PRKN: variants seen among roughly 807,000 people sequenced by gnomAD.
The protein encoded by PRKN is E3 ubiquitin-protein ligase parkin.
Under a neutral mutation model 59.5 loss-of-function variants are expected in PRKN, and 56 were observed. That is an observed-to-expected ratio of 0.94 (90% CI 0.76 to 1.18). PRKN has a LOEUF of 1.18. Among genes scored for constraint, PRKN ranks in the 50% most tolerant of loss-of-function variants. PRKN has a pLI of 0.00. For missense variants in PRKN, 657 were observed against 596.4 expected (o/e 1.10, Z -1.06); for synonymous variants, 250 against 222.1 (o/e 1.13, Z -1.12).
chr6:162,017,004 G>T (rs1043468934), intron 5 of PRKN, among the ~76,000 whole-genome samples: 1 of 152,066 alleles, frequency 6.6e-6, no homozygotes, highest in Non-Finnish European at 1.5e-5. Flanking sequence ...TCAAACATCC[G>T]CCTCTCTCCC....
Position 162,578,850 on chromosome 6 carries a change from T to C in PRKN, c.8-135377A>G, listed in dbSNP as rs532655786. On this transcript the variant is annotated intron_variant, in intron 1 of 11. Coordinates refer to ENST00000366898, the MANE Select transcript of PRKN (RefSeq NM_004562.3). ...AAAAATCCCATTTAAGTCTAACTTA[T>C]GTCATATTTTTTCTTAGAAAAAGGA... Among the ~76,000 whole-genome samples the C allele has an allele frequency of 2.0e-5, 3 of 152,350 alleles. No homozygotes were observed. The South Asian group carries it at 6.2e-4, about 32-fold the overall frequency.
At chr6:162,058,957 GAA>G (rs553927046) in intron 4 of PRKN, among the ~76,000 whole-genome samples, 2,340 of 87,290 alleles carry the variant, frequency 0.027, 54 homozygotes, top group African/African-American at 0.073. Flanking sequence ...GCCTCAACAA[GAA>G]AAAAAAAAAA....
At chr6:161,715,976 G>T in intron 7 of PRKN, 1 of 543,206 alleles carries the variant, frequency 1.8e-6, no homozygotes, top group Non-Finnish European at 3.3e-6. Flanking sequence ...GGTGAGAAGC[G>T]CTGGGGTGGG....
intron 1 of PRKN, among the ~76,000 whole-genome samples, chr6:162,448,931 A>C (rs1790455071): frequency 7.2e-6 from 1 of 137,968 alleles, no homozygotes; most frequent in South Asian, 2.3e-4. Flanking sequence ...TCTGTCTCCC[A>C]CTATAGAGTG....
At chr6:162,454,592 G>A (rs1562777390) in intron 1 of PRKN, among the ~76,000 whole-genome samples, 1 of 152,210 alleles carries the variant, frequency 6.6e-6, no homozygotes, top group African/African-American at 2.4e-5. Flanking sequence ...CTCTGTGTCA[G>A]TGGCTTTCAC....
intron 7 of PRKN, among the ~76,000 whole-genome samples, chr6:161,676,638 T>C (rs149159100): frequency 0.011 from 1,658 of 152,320 alleles, 13 homozygotes; most frequent in Middle Eastern, 0.041. Flanking sequence ...AGAGACCCTA[T>C]GGCCTGCAAA....
chr6:161,795,038 C>G (rs946186605), intron 6 of PRKN, among the ~76,000 whole-genome samples: 3 of 151,496 alleles, frequency 2.0e-5, no homozygotes, highest in Admixed American at 1.3e-4. Context: ...GCACCCACCA[C>G]CACACCCAGC....
intron 1 of PRKN, among the ~76,000 whole-genome samples, chr6:162,533,248 G>A (rs1033325842): frequency 2.0e-5 from 3 of 152,196 alleles, no homozygotes; most frequent in South Asian, 2.1e-4. Flanking sequence ...TTATGGCTGG[G>A]CGCGGTGGCT....
intron 2 of PRKN, among the ~76,000 whole-genome samples, chr6:162,439,912 T>C (rs1249381901): frequency 6.6e-6 from 1 of 152,070 alleles, no homozygotes; most frequent in Non-Finnish European, 1.5e-5. Context: ...AGACTACTGG[T>C]AAAGTGTGAG....
chr6:161,508,581 TC>T (rs1357106163), intron 9 of PRKN, among the ~76,000 whole-genome samples: 23 of 152,286 alleles, frequency 1.5e-4, no homozygotes, highest in African/African-American at 5.3e-4. Context: ...GTCAGCTTCC[TC>T]CGTATCATGT....
At chr6:162,081,651 C>T (rs79607471) in intron 4 of PRKN, among the ~76,000 whole-genome samples, 1,576 of 152,142 alleles carry the variant, frequency 0.01, 42 homozygotes, top group African/African-American at 0.037. Flanking sequence ...CTTAAGGGAC[C>T]TAGGATTTTC....
chr6:162,352,309 C>A (rs1784657652), intron 2 of PRKN, among the ~76,000 whole-genome samples: 1 of 152,170 alleles, frequency 6.6e-6, no homozygotes, highest in Non-Finnish European at 1.5e-5. Flanking sequence ...CAGATTACGG[C>A]AGGTTGTCAC....
At chr6:161,775,334 C>T (rs188699513) in intron 7 of PRKN, among the ~76,000 whole-genome samples, 93 of 152,080 alleles carry the variant, frequency 6.1e-4, no homozygotes, top group Non-Finnish European at 1.1e-3. Context: ...CCTCAGCCTC[C>T]CAAGCTCAAG....
intron 2 of PRKN, among the ~76,000 whole-genome samples, chr6:162,343,701 G>T (rs893582485): frequency 8.6e-5 from 13 of 151,806 alleles, no homozygotes; most frequent in African/African-American, 2.9e-4. Context: ...GGGTGTGTGT[G>T]TGTATGTGTA....
At chr6:161,717,358 T>C (rs146797388) in intron 7 of PRKN, among the ~76,000 whole-genome samples, 8 of 152,254 alleles carry the variant, frequency 5.3e-5, no homozygotes, top group Non-Finnish European at 1.0e-4. Context: ...ATTTCCACAC[T>C]TGAACTTTGA....
At chr6:162,587,306 TTG>T (rs1236919144) in intron 1 of PRKN, among the ~76,000 whole-genome samples, 2 of 152,110 alleles carry the variant, frequency 1.3e-5, no homozygotes, top group African/African-American at 4.8e-5. Context: ...CAGCTAATTT[TTG>T]TGTTTTTAGT....
intron 6 of PRKN, among the ~76,000 whole-genome samples, chr6:161,952,779 G>A (rs1780036410): frequency 6.6e-6 from 1 of 152,032 alleles, no homozygotes; most frequent in African/African-American, 2.4e-5. Context: ...CAATTAGTGA[G>A]GTATTAGATG....
chr6:161,932,588 T>C (rs1779205716), intron 6 of PRKN, among the ~76,000 whole-genome samples: 1 of 152,210 alleles, frequency 6.6e-6, no homozygotes, highest in Non-Finnish European at 1.5e-5. Context: ...CTTTAGCTTA[T>C]GTTAATGACC....
intron 2 of PRKN, among the ~76,000 whole-genome samples, chr6:162,421,008 C>T (rs1314443257): frequency 1.3e-5 from 2 of 152,194 alleles, no homozygotes; most frequent in African/African-American, 4.8e-5. Flanking sequence ...CCAAGAGAAG[C>T]TAGCATTGAA....
Sources: gnomAD v4.1 joint callset for allele counts (sites outside exome capture counted in the v4.1 genomes callset) on GRCh38, gnomAD v4.1.1 for gene constraint, MANE v1.5 for transcripts, NCBI Gene and HGNC (gene_info 2026-07-23, HGNC 2026-07-21) for gene names.